The following RGS6 variants were observed in gnomAD, a reference collection of about 807,000 sequenced individuals.
RGS6 encodes regulator of G-protein signaling 6.
Under a neutral mutation model 78.5 loss-of-function variants are expected in RGS6, and 30 were observed. The ratio of observed to expected loss-of-function variants is 0.38; its 90% confidence interval spans 0.29 to 0.52. RGS6 has a LOEUF of 0.52. Among genes scored for constraint, RGS6 ranks in the 20% least tolerant of loss-of-function variants. The probability of loss-of-function intolerance (pLI) is 0.85; values close to 1 mark genes in which losing one functional copy is unlikely to be tolerated. For synonymous variants in RGS6, 206 were observed against 206.0 expected (o/e 1.00, Z 0.00); for missense variants, 495 against 609.7 (o/e 0.81, Z 1.98).
chr14:72,474,842 C>G (rs2096192557), intron 10 of RGS6, 143 bp downstream of exon 10: 1 of 725,628 alleles, frequency 1.4e-6, no homozygotes, highest in South Asian at 1.9e-5. Flanking sequence ...ATTGATTGAG[C>G]AGCTGATGCA....
chr14:71,890,358 C>CAGACAGAGAGAGAGAG, the RGS6 span, among the ~76,000 whole-genome samples: 1,969 of 133,034 alleles, frequency 0.015, 60 homozygotes, highest in African/African-American at 0.05. Flanking sequence ...GTGCATAAGA[C>CAGACAGAGAGAGAGAG]AGAGAGAGAG....
At chr14:72,082,547 A>G (rs2094867866) in intron 2 of RGS6, among the ~76,000 whole-genome samples, 1 of 152,168 alleles carries the variant, frequency 6.6e-6, no homozygotes, top group South Asian at 2.1e-4. Flanking sequence ...TTAATGATAA[A>G]TGTTTAAGGT....
chr14:72,411,339 A>G (rs1300796017), intron 3 of RGS6, among the ~76,000 whole-genome samples: 1 of 152,152 alleles, frequency 6.6e-6, no homozygotes, highest in Non-Finnish European at 1.5e-5. Context: ...GCAATTGTGA[A>G]TGGGAGTTCA....
chr14:71,996,675 TATAAC>T (rs2095219389), intron 2 of RGS6, among the ~76,000 whole-genome samples: 1 of 151,974 alleles, frequency 6.6e-6, no homozygotes, highest in East Asian at 1.9e-4. Flanking sequence ...GTGGTTGACA[TATAAC>T]AGACGGTCAA....
At chr14:72,072,762 G>C (rs1200557391) in intron 2 of RGS6, among the ~76,000 whole-genome samples, 1 of 152,204 alleles carries the variant, frequency 6.6e-6, no homozygotes, top group Non-Finnish European at 1.5e-5. Context: ...TACGGATTAA[G>C]TTAATTTTAA....
chr14:72,296,477 A>C (rs139986546), intron 2 of RGS6, among the ~76,000 whole-genome samples: 10 of 152,318 alleles, frequency 6.6e-5, no homozygotes, highest in African/African-American at 2.4e-4. Flanking sequence ...ATTGTTCCAC[A>C]TCCTTGCCAA....
At chr14:72,166,830 C>T (rs1446987431) in intron 2 of RGS6, among the ~76,000 whole-genome samples, 7 of 152,172 alleles carry the variant, frequency 4.6e-5, no homozygotes, top group South Asian at 2.1e-4. Flanking sequence ...CTCTGTCAAA[C>T]GTACTCACTA....
chr14:72,119,945 G>A (rs1001285787), intron 2 of RGS6, among the ~76,000 whole-genome samples: 1 of 152,226 alleles, frequency 6.6e-6, no homozygotes, highest in African/African-American at 2.4e-5. Context: ...GTGAGGAGTG[G>A]AGTGTTGCCT....
intron 15 of RGS6, among the ~76,000 whole-genome samples, chr14:72,519,541 T>C (rs1332310466): frequency 2.0e-5 from 3 of 152,174 alleles, no homozygotes; most frequent in Middle Eastern, 3.2e-3. Flanking sequence ...AGAATTACCT[T>C]GTCATTTGCT....
intron 2 of RGS6, among the ~76,000 whole-genome samples, chr14:72,277,612 A>AT (rs1223059886): frequency 1.3e-4 from 19 of 146,600 alleles, no homozygotes; most frequent in Admixed American, 2.1e-4. Context: ...AAAAAAAAAA[A>AT]ATTTTAAATT....
At chr14:72,514,628 G>T (rs959271752) in intron 14 of RGS6, among the ~76,000 whole-genome samples, 1 of 152,224 alleles carries the variant, frequency 6.6e-6, no homozygotes, top group African/African-American at 2.4e-5. Flanking sequence ...CCGCACAGGG[G>T]CTGCCTCCCT....
intron 2 of RGS6, among the ~76,000 whole-genome samples, chr14:72,087,305 A>G (rs1353195046): frequency 2.0e-5 from 3 of 151,934 alleles, no homozygotes; most frequent in African/African-American, 7.3e-5. Flanking sequence ...TAATTTTTGT[A>G]TTTTTAGTAG....
the RGS6 span, among the ~76,000 whole-genome samples, chr14:71,872,132 C>G: frequency 3.3e-4 from 50 of 152,294 alleles, no homozygotes; most frequent in African/African-American, 1.2e-3. Context: ...TCAATTCTAA[C>G]TACAAGTGAA....
At chr14:71,939,900 G>T (rs1022122580) in intron 1 of RGS6, among the ~76,000 whole-genome samples, 1 of 152,146 alleles carries the variant, frequency 6.6e-6, no homozygotes, top group Non-Finnish European at 1.5e-5. Flanking sequence ...CTAGGTAGAG[G>T]CATCTCTAAT....
At chr14:72,110,476 C>T (rs543420074) in intron 2 of RGS6, among the ~76,000 whole-genome samples, 1 of 152,304 alleles carries the variant, frequency 6.6e-6, no homozygotes, top group South Asian at 2.1e-4. Context: ...ATCCTAAATG[C>T]TTGACTCTCT....
At chr14:71,916,599 C>A in the RGS6 span, among the ~76,000 whole-genome samples, 1 of 150,374 alleles carries the variant, frequency 6.7e-6, no homozygotes, top group African/African-American at 2.5e-5. Context: ...GACTATAATG[C>A]TTTAGGAATT....
At chr14:72,629,314 T>G in the RGS6 span, among the ~76,000 whole-genome samples, 2 of 152,252 alleles carry the variant, frequency 1.3e-5, no homozygotes, top group Non-Finnish European at 2.9e-5. Flanking sequence ...TCTCTGCCTT[T>G]GTATATGTTT....
At chr14:72,375,379 G>A (rs1322914649) in intron 3 of RGS6, among the ~76,000 whole-genome samples, 1 of 152,188 alleles carries the variant, frequency 6.6e-6, no homozygotes, top group Non-Finnish European at 1.5e-5. Flanking sequence ...TCTTCAAAAT[G>A]ACTAGAGAGG....
chr14:72,580,701 A>G, the RGS6 span, among the ~76,000 whole-genome samples: 8 of 152,326 alleles, frequency 5.3e-5, no homozygotes, highest in East Asian at 1.3e-3. Context: ...CTTTTCAGAG[A>G]AAGCAGAGCC....
Sources: gnomAD v4.1 joint callset for allele counts (sites outside exome capture counted in the v4.1 genomes callset) on GRCh38, gnomAD v4.1.1 for gene constraint, MANE v1.5 for transcripts, NCBI Gene and HGNC (gene_info 2026-07-23, HGNC 2026-07-21) for gene names.